Variants in MYH4 observed in about 807,000 individuals in gnomAD.
MYH4 encodes the protein myosin heavy chain 4.
Under a neutral mutation model 229.9 loss-of-function variants are expected in MYH4, and 200 were observed. The ratio of observed to expected loss-of-function variants is 0.87; its 90% CI spans 0.78 to 0.98. The LOEUF (loss-of-function observed/expected upper bound fraction) is 0.98, where lower values mean the gene tolerates loss of function less well. Among genes scored for constraint, MYH4 ranks in the 50% least tolerant of loss-of-function variants. The probability of loss-of-function intolerance (pLI) is 0.00; values close to 1 mark genes in which losing one functional copy is unlikely to be tolerated. For missense variants in MYH4, 2,148 were observed against 2,332.6 expected (o/e 0.92, Z 1.63); for synonymous variants, 761 against 834.6 (o/e 0.91, Z 1.52).
rs758476443 is a variant in MYH4 at position 10,448,706 on chromosome 17, G to A, written c.4443C>T (p.Leu1481=). Residue 1481 remains leucine, a synonymous_variant, in exon 32 of 40, where the codon CTC becomes CTT. Transcript: ENST00000255381. ...TCTTCACCTTGAACAGCTCAGTGCT[G>A]AGAGAACGCGACTCCTTCTGGGAGG... ...LEASQKESRS[L]STELFKVKNA... 1.2e-6 allele frequency: 2 copies of A among 1,614,142 alleles called. No homozygotes were observed. The highest frequency in any genetic ancestry group is 1.7e-6 in the Non-Finnish European group (2 of 1,180,012).
At position 10,464,712 on chromosome 17, in the gene MYH4, TAA is replaced by T; in HGVS notation, c.506-6_506-5del. 1 of 1,612,980 alleles carries T rather than the reference TAA, an allele frequency of 6.2e-7. No homozygotes were observed. On this transcript the variant is annotated splice_region_variant and splice_polypyrimidine_tract_variant and intron_variant, in intron 5 of 39. Coordinates refer to ENST00000255381, the MANE Select transcript of MYH4 (RefSeq NM_017533.2). ...AAGATTGACTGGTTTTCACGATCTG[TAA>T]AAGAGAAGCCAAAGATAATATTTAG...
In MYH4 at chr17:10,465,437, C is replaced by G. The variant is rs761286577; in HGVS notation, c.505+5G>C. The G allele has an allele frequency of 6.2e-7, 1 of 1,613,402 alleles. No homozygotes were observed. Among genetic ancestry groups the G allele is most frequent in the Admixed American group, 1.7e-5 (1 of 60,018 alleles). On this transcript the variant is annotated splice_donor_5th_base_variant and intron_variant, in intron 5 of 39. Transcript: ENST00000255381. Reference sequence around the variant, plus strand: ...ATGGCTATGGAAATTGTAATTCTCACTCACCAGTTAGCATGAACTGATAGG... The same window carrying G: ...ATGGCTATGGAAATTGTAATTCTCAGTCACCAGTTAGCATGAACTGATAGG...
Position 10,443,468 on chromosome 17 carries a change from C to T in MYH4, c.5727G>A (p.Glu1909=). 1 of 1,614,124 alleles carries T rather than the reference C, an allele frequency of 6.2e-7. No homozygotes were observed. Among genetic ancestry groups the T allele is most frequent in the Non-Finnish European group, 8.5e-7 (1 of 1,179,960 alleles). ...CAGCAATGTCAGCCCGTTCCTTGGC[C>T]TCCTCCAGCTCGTGCTGGAGCTTGC... ...KFRKLQHELE[E]AKERADIAES... is the part of the protein sequence containing the mutation. Residue 1909 remains glutamate, a synonymous_variant, in exon 40 of 40, where the codon GAG becomes GAA. Coordinates refer to ENST00000255381, the MANE Select transcript of MYH4 (RefSeq NM_017533.2). The surrounding 1 kb of genome is among the most constrained non-coding windows in gnomAD (Gnocchi z 4.6).
intron 2 of MYH4, among the ~76,000 whole-genome samples, chr17:10,468,069 G>C (rs2072786120): frequency 6.6e-6 from 1 of 152,160 alleles, no homozygotes. Context: ...ATCTGTAAAA[G>C]TGTCCTGATG....
chr17:10,463,612 T>A lies in MYH4; in HGVS notation c.680A>T (p.Asn227Ile). 1 of 1,612,624 alleles carries A rather than the reference T, an allele frequency of 6.2e-7. No individual in the cohort carries two copies. Among genetic ancestry groups the A allele is most frequent in the South Asian group, 1.1e-5 (1 of 90,806 alleles). The change falls in exon 8 of 40, where the codon AAC becomes ATC. Residue 227 changes from asparagine to isoleucine, a missense_variant. By Grantham distance (149) the Asn-to-Ile change is moderately radical. Coordinates refer to ENST00000255381, the MANE Select transcript of MYH4 (RefSeq NM_017533.2). ...GTLEDQIISA[N>I]PLLEAFGNAK... ...ATTGCCGAAGGCTTCCAGTAGGGGGTTAGCACTGATGATTTGATCTTCAAG... is the reference window on the plus strand; with the variant it reads ...ATTGCCGAAGGCTTCCAGTAGGGGGATAGCACTGATGATTTGATCTTCAAG...
intron 25 of MYH4, 36 bp downstream of exon 25, chr17:10,452,751 A>C: frequency 6.4e-7 from 1 of 1,567,624 alleles, no homozygotes; most frequent in Non-Finnish European, 8.6e-7. Context: ...ATTGACATAC[A>C]ACAAGCAGGT....
Position 10,452,471 on chromosome 17 carries a change from A to G in MYH4, c.3293T>C (p.Ile1098Thr). The stretch of plus-strand genomic sequence containing the variant: ...TATTGCAAGGGCTTGTTCATCTTCA[A>G]TCTTGCCTTGCAGATTGCTCATTTC... ...EFEMSNLQGK[I>T]EDEQALAIQL... Residue 1098 changes from isoleucine to threonine, a missense_variant, in exon 26 of 40, where the codon ATT (isoleucine) becomes ACT (threonine). Ile to Thr is a moderately conservative substitution (Grantham distance 89, BLOSUM62 -1). Transcript: ENST00000255381. 3 of 1,614,076 alleles carry G rather than the reference A, an allele frequency of 1.9e-6. No individual in the cohort carries two copies. Among genetic ancestry groups the G allele is most frequent in the African/African-American group, 1.3e-5 (1 of 75,044 alleles).
Position 10,447,236 on chromosome 17 carries a change from G to T in MYH4, c.4966-20C>A. On this transcript the variant is annotated intron_variant, in intron 34 of 39. Coordinates refer to ENST00000255381, the MANE Select transcript of MYH4 (RefSeq NM_017533.2). ...AGTGTCCTACACAGAAAGAGAAAAA[G>T]CCTCTTACTCATGCTGCACTTAAAG... 1 of 1,607,110 alleles carries T rather than the reference G, an allele frequency of 6.2e-7. No homozygotes were observed. Among genetic ancestry groups the T allele is most frequent in the South Asian group, 1.1e-5 (1 of 90,756 alleles).
rs535921181 is a variant in MYH4, at chr17:10,460,699, A to G, written c.1147+217T>C. 4.6e-5 allele frequency among the ~76,000 whole-genome samples: 7 copies of G among 152,392 alleles called. No individual in the cohort carries two copies. In the South Asian group the frequency reaches 1.4e-3, roughly 32 times the overall value. On this transcript the variant is annotated intron_variant, in intron 12 of 39. Transcript: ENST00000255381. ...GAAATAAAATATGTTTTAGTCAAATAGCAAATATGAGCTTATGAAAAGCCA... is the reference window on the plus strand; with the variant it reads ...GAAATAAAATATGTTTTAGTCAAATGGCAAATATGAGCTTATGAAAAGCCA...
chr17:10,465,706 A>C (rs897416036), intron 4 of MYH4, 108 bp from the exon 5 acceptor site: 8 of 1,379,682 alleles, frequency 5.8e-6, no homozygotes, highest in Non-Finnish European at 8.0e-6. Flanking sequence ...GTTAGTTCTC[A>C]TAAAGTTTCA....
In MYH4 at chr17:10,443,611, C is replaced by A; in HGVS notation, c.5668-84G>T. ...GCTTTTGTTACTTCAGGATTTGCCTCATGAATGAGAAAGAAAAAGGCTCCG... is the reference window on the plus strand; with the variant it reads ...GCTTTTGTTACTTCAGGATTTGCCTAATGAATGAGAAAGAAAAAGGCTCCG... On this transcript the variant is annotated intron_variant, in intron 39 of 39. Transcript: ENST00000255381. The surrounding 1 kb of genome is among the most constrained non-coding windows in gnomAD (Gnocchi z 4.6). 6.9e-7 allele frequency: 1 copy of A among 1,450,628 alleles called. No individual in the cohort carries two copies. Among genetic ancestry groups the A allele is most frequent in the Admixed American group, 2.1e-5 (1 of 48,546 alleles). 89.9% of individuals were successfully genotyped at this position (1,450,628 alleles called of 1,614,324 possible).
chr17:10,446,653 T>C (rs1313711742), intron 35 of MYH4, among the ~76,000 whole-genome samples: 2 of 152,210 alleles, frequency 1.3e-5, no homozygotes, highest in Admixed American at 6.5e-5. Context: ...TACGTAAATA[T>C]TATTTAGTGG....
At chr17:10,451,200 G>C in intron 28 of MYH4, 126 bp downstream of exon 28, 1 of 1,230,936 alleles carries the variant, frequency 8.1e-7, no homozygotes, top group East Asian at 2.4e-5. Flanking sequence ...TAAAAAGATG[G>C]AGGAATAAGT....
At position 10,443,641 on chromosome 17, in the gene MYH4, C is replaced by T. The variant is rs1051640079; in HGVS notation, c.5668-114G>A. 5.2e-6 allele frequency: 6 copies of T among 1,164,834 alleles called. No individual in the cohort carries two copies. The Admixed American group carries it at 7.2e-5, about 14-fold the overall frequency. 72.2% of individuals were successfully genotyped at this position (1,164,834 alleles called of 1,614,324 possible). ...ATGAGAAAGAAAAAGGCTCCGTTGT[C>T]CAGGCATGGTGGCTCACACCTGTAA... On this transcript the variant is annotated intron_variant, in intron 39 of 39. Coordinates refer to ENST00000255381, the MANE Select transcript of MYH4 (RefSeq NM_017533.2). This position sits in a 1 kb window ranked among gnomAD's most constrained non-coding sequence, Gnocchi z 4.6.
rs2072497981 is a variant in MYH4, at chr17:10,445,162, AT to A, written c.5296-17del. The A allele has an allele frequency of 1.2e-6, 2 of 1,614,150 alleles. No individual in the cohort carries two copies. Among genetic ancestry groups the A allele is most frequent in the African/African-American group, 2.7e-5 (2 of 75,054 alleles). On this transcript the variant is annotated splice_polypyrimidine_tract_variant and intron_variant, in intron 36 of 39. Coordinates refer to ENST00000255381, the MANE Select transcript of MYH4 (RefSeq NM_017533.2). ...TCATGGCAGCCTAGTTAGCAAATAA[AT>A]TTTGAAAATAATGAATTCTGATGAT...
Position 10,454,714 on chromosome 17 carries a change from G to C in MYH4, c.2532C>G (p.Leu844=), listed in dbSNP as rs144247613. 3.1e-6 allele frequency: 5 copies of C among 1,614,018 alleles called. No individual in the cohort carries two copies. The highest frequency in any genetic ancestry group is 1.3e-5 in the African/African-American group (1 of 74,898). The part of the protein sequence containing the change: ...MKLYFKIKPL[L]KSAETEKEMA... ...TCTCCTTCTCTGTCTCTGCACTCTT[G>C]AGGAGGGGCTTGATCTTGAAATACA... The change falls in exon 22 of 40, where the codon CTC becomes CTG. Residue 844 remains leucine (L), a synonymous_variant. Coordinates refer to ENST00000255381, the MANE Select transcript of MYH4 (RefSeq NM_017533.2).
chr17:10,461,740 C>G (rs1567705579), intron 11 of MYH4, among the ~76,000 whole-genome samples: 2 of 152,056 alleles, frequency 1.3e-5, no homozygotes, highest in African/African-American at 4.8e-5. Flanking sequence ...TGTCTTTTTT[C>G]TCTATCGAAT....
In MYH4 at chr17:10,447,606, A is replaced by G. The variant is rs1464027253; in HGVS notation, c.4965+212T>C. On this transcript the variant is annotated intron_variant, in intron 34 of 39. Coordinates refer to ENST00000255381, the MANE Select transcript of MYH4 (RefSeq NM_017533.2). Reference sequence around the variant, plus strand: ...TTCCTCTATCTCCCTACCCCTCACCACAGTGCTTCTCTGCAGATAACAAAG... The same window carrying G: ...TTCCTCTATCTCCCTACCCCTCACCGCAGTGCTTCTCTGCAGATAACAAAG... 1.3e-5 allele frequency among the ~76,000 whole-genome samples: 2 copies of G among 152,122 alleles called. 1 individual carries two copies.
At chr17:10,465,773 T>TTTC (rs1555563675) in intron 4 of MYH4, among the ~76,000 whole-genome samples, 175 bp from the exon 5 acceptor site, 2 of 137,650 alleles carry the variant, frequency 1.5e-5, no homozygotes, top group Non-Finnish European at 1.6e-5. Flanking sequence ...AGTTTTTCTT[T>TTTC]TTTTTTTTTT....
Sources: gnomAD v4.1 joint callset for allele counts (sites outside exome capture counted in the v4.1 genomes callset) on GRCh38, gnomAD v4.1.1 for gene constraint, Gnocchi (gnomAD v3.1) non-coding constraint, MANE v1.5 for transcripts, NCBI Gene and HGNC (gene_info 2026-07-23, HGNC 2026-07-21) for gene names.